STT3A: variants seen among roughly 807,000 people sequenced by gnomAD.
STT3A encodes the protein STT3 oligosaccharyltransferase complex catalytic subunit A.
A neutral mutation model predicts 89.2 loss-of-function variants in STT3A; 34 were observed. That is an observed-to-expected ratio of 0.38 (90% CI 0.29 to 0.51). STT3A has a LOEUF of 0.51. Ranked by LOEUF, STT3A falls within the 20% of genes least tolerant of loss-of-function variation. STT3A has a pLI of 0.89. For missense variants in STT3A, 555 were observed against 889.5 expected (o/e 0.62, Z 4.78); for synonymous variants, 282 against 310.3 (o/e 0.91, Z 0.96).
At chr11:125,597,241 A>G in intron 3 of STT3A, 122 bp downstream of exon 3, 2 of 1,021,408 alleles carry the variant, frequency 2.0e-6, no homozygotes, top group African/African-American at 1.6e-5. Context: ...ATTTAAGGGA[A>G]AAAAAAACCC....
chr11:125,604,256 T>C lies in STT3A; in HGVS notation c.508+9T>C. The C allele has an allele frequency of 6.2e-7, 1 of 1,613,470 alleles. No individual in the cohort carries two copies. Among genetic ancestry groups the C allele is most frequent in the Non-Finnish European group, 8.5e-7 (1 of 1,179,484 alleles). On this transcript the variant is annotated intron_variant, in intron 6 of 17. Transcript: ENST00000392708. Reference sequence around the variant, plus strand: ...CTCCTATGATAATGAAGGTAAGACTTTTAAAATGCTGAAGAAGATCATCTC... The same window carrying C: ...CTCCTATGATAATGAAGGTAAGACTCTTAAAATGCTGAAGAAGATCATCTC...
At chr11:125,606,810 A>G (rs1165740831) in intron 8 of STT3A, among the ~76,000 whole-genome samples, 2 of 152,228 alleles carry the variant, frequency 1.3e-5, no homozygotes, top group African/African-American at 2.4e-5. Flanking sequence ...GAGATTCCTG[A>G]TCTTAATGGC....
At chr11:125,610,129 C>T (rs1939959995) in intron 10 of STT3A, among the ~76,000 whole-genome samples, 1 of 138,378 alleles carries the variant, frequency 7.2e-6, no homozygotes, top group South Asian at 2.3e-4. Flanking sequence ...GTGGTACAAT[C>T]TCAGCTTACT....
intron 2 of STT3A, 149 bp from the exon 3 acceptor site, chr11:125,596,910 G>A: frequency 1.2e-6 from 1 of 834,484 alleles, no homozygotes; most frequent in Non-Finnish European, 1.8e-6. Context: ...TCCTTTATGT[G>A]GGGAAAGATG....
intron 3 of STT3A, among the ~76,000 whole-genome samples, 168 bp from the exon 4 acceptor site, chr11:125,602,135 A>G (rs558802062): frequency 6.6e-6 from 1 of 152,310 alleles, no homozygotes; most frequent in South Asian, 2.1e-4. Flanking sequence ...AGTTGAGACA[A>G]GCATGGAGAT....
chr11:125,595,713 C>A (rs1403689001), intron 1 of STT3A, among the ~76,000 whole-genome samples, 168 bp from the exon 2 acceptor site: 1 of 152,150 alleles, frequency 6.6e-6, no homozygotes, highest in Non-Finnish European at 1.5e-5. Flanking sequence ...TACTTCCTTG[C>A]AAGTTGATCA....
chr11:125,621,548 A>G lies in STT3A; in HGVS notation c.*738A>G, dbSNP rs1414250190. The stretch of plus-strand genomic sequence containing the variant: ...AGTAGGTGTTTTTGAATCAGCTTAA[A>G]TATAATCATACATATCAATTTGAAA... On this transcript the variant is annotated 3_prime_UTR_variant, in exon 18 of 18. Coordinates refer to ENST00000392708, the MANE Select transcript of STT3A (RefSeq NM_152713.5). The G allele has an allele frequency of 1.3e-5, 2 of 152,238 alleles. No individual in the cohort carries two copies. Among genetic ancestry groups the G allele is most frequent in the Non-Finnish European group, 1.5e-5 (1 of 68,050 alleles). 9.4% of individuals were successfully genotyped at this position (152,238 alleles called of 1,614,324 possible). A position where few individuals can be genotyped will look rare whatever the true frequency, so the allele number is the denominator to read the frequency against.
Position 125,604,174 on chromosome 11 carries a change from T to C in STT3A, c.435T>C (p.Leu145=). The C allele has an allele frequency of 6.2e-7, 1 of 1,614,124 alleles. No homozygotes were observed. The highest frequency in any genetic ancestry group is 8.5e-7 in the Non-Finnish European group (1 of 1,179,978). Residue 145 remains leucine (L), a synonymous_variant, in exon 6 of 18, where the codon CTT becomes CTC. Coordinates refer to ENST00000392708, the MANE Select transcript of STT3A (RefSeq NM_152713.5). The part of the protein sequence containing the change: ...TKELKDAGAG[L]LAAAMIAVVP... ...TCTTACAGGATGCAGGGGCTGGGCTTCTTGCTGCTGCCATGATTGCTGTAG... is the reference window on the plus strand; with the variant it reads ...TCTTACAGGATGCAGGGGCTGGGCTCCTTGCTGCTGCCATGATTGCTGTAG...
At chr11:125,606,613 T>A in intron 8 of STT3A, 148 bp downstream of exon 8, 1 of 890,730 alleles carries the variant, frequency 1.1e-6, no homozygotes, top group Non-Finnish European at 1.6e-6. Context: ...GCAACAGAAT[T>A]ACTGGTCATT....
chr11:125,599,278 G>A (rs1260058573), intron 3 of STT3A, among the ~76,000 whole-genome samples: 1 of 152,190 alleles, frequency 6.6e-6, no homozygotes, highest in Admixed American at 6.5e-5. Context: ...TGTTGCTTCT[G>A]TTTACTTCAG....
chr11:125,615,370 G>A (rs1215547381), intron 15 of STT3A, among the ~76,000 whole-genome samples: 3 of 152,138 alleles, frequency 2.0e-5, no homozygotes, highest in African/African-American at 7.2e-5. Context: ...AATGATTCCT[G>A]CAGCTATTTC....
chr11:125,592,130 G>C (rs1251755323), upstream of STT3A, among the ~76,000 whole-genome samples: 1 of 152,194 alleles, frequency 6.6e-6, no homozygotes, highest in East Asian at 1.9e-4. Context: ...CTGTGCCTCC[G>C]CGGCGGTGGC....
chr11:125,609,663 T>G, intron 10 of STT3A, 74 bp downstream of exon 10: 2 of 1,540,804 alleles, frequency 1.3e-6, no homozygotes, highest in Non-Finnish European at 1.7e-6. Context: ...CAAGCTACCC[T>G]CATTCGTGTT....
At chr11:125,595,506 G>C (rs1399232772) in intron 1 of STT3A, among the ~76,000 whole-genome samples, 2 of 151,576 alleles carry the variant, frequency 1.3e-5, no homozygotes, top group Non-Finnish European at 2.9e-5. Context: ...GCCTTTTCTT[G>C]AGTGCTCTCT....
In STT3A at chr11:125,613,995, A is replaced by T; in HGVS notation, c.1555-92A>T. On this transcript the variant is annotated intron_variant, in intron 13 of 17. Transcript: ENST00000392708. The surrounding 1 kb of genome is among the most constrained non-coding windows in gnomAD (Gnocchi z 4.2). ...GAAATTGATTAGTTAGCCAGGTGTCACTTCTGTCAGACCAAAGATGCCTTC... is the reference window on the plus strand; with the variant it reads ...GAAATTGATTAGTTAGCCAGGTGTCTCTTCTGTCAGACCAAAGATGCCTTC... 1 of 1,097,896 alleles carries T rather than the reference A, an allele frequency of 9.1e-7. No homozygotes were observed. Among genetic ancestry groups the T allele is most frequent in the Non-Finnish European group, 1.4e-6 (1 of 731,060 alleles). The allele number at this position is 1,097,896 out of a possible 1,614,324, so 68.0% of individuals were successfully genotyped here.
At chr11:125,603,014 G>A in intron 5 of STT3A, 66 bp downstream of exon 5, 1 of 1,584,934 alleles carries the variant, frequency 6.3e-7, no homozygotes, top group Non-Finnish European at 8.6e-7. Flanking sequence ...ATCGATGCTG[G>A]AGGGTGGGGG....
intron 17 of STT3A, among the ~76,000 whole-genome samples, 164 bp downstream of exon 17, chr11:125,620,290 G>T (rs1290311025): frequency 6.6e-6 from 1 of 152,142 alleles, no homozygotes; most frequent in African/African-American, 2.4e-5. Context: ...ATTTTAGATT[G>T]TTCTTAGAGA....
chr11:125,612,818 G>A lies in STT3A; in HGVS notation c.1365+71G>A, dbSNP rs11220158. The A allele has an allele frequency of 0.073, 114,091 of 1,565,648 alleles. 5,591 individuals carry two copies. The highest frequency in any genetic ancestry group is 0.25 in the African/African-American group (18,415 of 73,998). On this transcript the variant is annotated intron_variant, in intron 12 of 17. Transcript: ENST00000392708. ...GTGTGTATGTGTGTATGTGGGCAGCGGGGGGTGGGAGGAGTAAAGTAGAGC... is the reference window on the plus strand; with the variant it reads ...GTGTGTATGTGTGTATGTGGGCAGCAGGGGGTGGGAGGAGTAAAGTAGAGC...
upstream of STT3A, chr11:125,592,821 AG>A (rs1408875816): frequency 5.7e-6 from 1 of 176,798 alleles, no homozygotes; most frequent in Non-Finnish European, 1.2e-5. Flanking sequence ...CCAACGGGGG[AG>A]CGGTCCGGGA....
Sources: gnomAD v4.1 joint callset for allele counts (sites outside exome capture counted in the v4.1 genomes callset) on GRCh38, gnomAD v4.1.1 for gene constraint, Gnocchi (gnomAD v3.1) non-coding constraint, MANE v1.5 for transcripts, NCBI Gene and HGNC (gene_info 2026-07-23, HGNC 2026-07-21) for gene names.